Variants in KCNB2 observed in about 807,000 individuals in gnomAD.
The protein encoded by KCNB2 is potassium voltage-gated channel subfamily B member 2, also known as delayed rectifier potassium channel protein.
In KCNB2, 15 loss-of-function variants were observed where a neutral mutation model predicts 61.5. The observed-to-expected ratio is 0.24, with a 90% CI of 0.16 to 0.38. The LOEUF (loss-of-function observed/expected upper bound fraction) is 0.38, where lower values mean the gene tolerates loss of function less well. KCNB2 is among the 10% of genes least tolerant of loss of function. KCNB2 has a pLI of 1.00. For synonymous variants in KCNB2, 457 were observed against 446.0 expected (o/e 1.02, Z -0.31); for missense variants, 828 against 1,125.2 (o/e 0.74, Z 3.78).
At chr8:72,717,178 G>T (rs549848258) in intron 2 of KCNB2, among the ~76,000 whole-genome samples, 1 of 152,268 alleles carries the variant, frequency 6.6e-6, no homozygotes, top group African/African-American at 2.4e-5. Flanking sequence ...CAAACAAATG[G>T]AAGAACATTC....
chr8:72,706,486 G>C (rs573512878), intron 2 of KCNB2, among the ~76,000 whole-genome samples: 3 of 152,152 alleles, frequency 2.0e-5, no homozygotes, highest in African/African-American at 4.8e-5. Context: ...CAGGCATCAG[G>C]ATTGCTGTTT....
intron 2 of KCNB2, among the ~76,000 whole-genome samples, chr8:72,885,090 T>C (rs994547169): frequency 1.3e-5 from 2 of 152,174 alleles, no homozygotes; most frequent in Non-Finnish European, 2.9e-5. Flanking sequence ...TTTTGGTGTC[T>C]ATTGATATGA....
intron 2 of KCNB2, among the ~76,000 whole-genome samples, chr8:72,711,604 G>A (rs1304400096): frequency 6.6e-6 from 1 of 152,198 alleles, no homozygotes. Flanking sequence ...GAATAGCCAG[G>A]CAAAGACAAA....
At chr8:72,934,490 A>C (rs1457993225) in intron 2 of KCNB2, among the ~76,000 whole-genome samples, 1 of 152,114 alleles carries the variant, frequency 6.6e-6, no homozygotes, top group Non-Finnish European at 1.5e-5. Flanking sequence ...AGAGAGATTA[A>C]AAAGAAGAAA....
rs182903557 is a variant in KCNB2, at chr8:72,801,055, C to T, written c.580-134880C>T. Among the ~76,000 whole-genome samples the T allele has an allele frequency of 2.7e-3, 417 of 152,240 alleles. 2 individuals are homozygous for T. Among genetic ancestry groups the T allele is most frequent in the African/African-American group, 9.7e-3 (404 of 41,542 alleles). On this transcript the variant is annotated intron_variant, in intron 2 of 2. Transcript: ENST00000523207. ...AAAATGTGAGCAAGAAAAATTGACACTGAGATCTGAGTGTTTTTCTGCCCC... is the reference window on the plus strand; with the variant it reads ...AAAATGTGAGCAAGAAAAATTGACATTGAGATCTGAGTGTTTTTCTGCCCC...
chr8:72,911,559 T>G (rs1478407269), intron 2 of KCNB2, among the ~76,000 whole-genome samples: 1 of 152,206 alleles, frequency 6.6e-6, no homozygotes, highest in East Asian at 1.9e-4. Context: ...TAGAGCCAGG[T>G]CCCATTATGG....
chr8:72,564,551 C>T (rs1235529962), intron 1 of KCNB2, among the ~76,000 whole-genome samples: 1 of 152,224 alleles, frequency 6.6e-6, no homozygotes, highest in Non-Finnish European at 1.5e-5. Flanking sequence ...GGAGACTCCA[C>T]ATTCAGATTC....
At chr8:72,814,420 T>G (rs1187594099) in intron 2 of KCNB2, among the ~76,000 whole-genome samples, 1 of 152,204 alleles carries the variant, frequency 6.6e-6, no homozygotes, top group Non-Finnish European at 1.5e-5. Context: ...CGACCAGTTT[T>G]CCAAAGTGGT....
At chr8:72,860,447 T>A (rs919294425) in intron 2 of KCNB2, among the ~76,000 whole-genome samples, 1 of 152,248 alleles carries the variant, frequency 6.6e-6, no homozygotes, top group African/African-American at 2.4e-5. Context: ...GGGCATCTTT[T>A]AATGTGCTTA....
intron 2 of KCNB2, among the ~76,000 whole-genome samples, chr8:72,618,485 AAG>A (rs1342232846): frequency 6.6e-6 from 1 of 152,226 alleles, no homozygotes; most frequent in African/African-American, 2.4e-5. Context: ...ACACTAGTGA[AAG>A]AATTTTAGTT....
chr8:72,689,205 C>G (rs1806903464), intron 2 of KCNB2, among the ~76,000 whole-genome samples: 1 of 152,086 alleles, frequency 6.6e-6, no homozygotes, highest in Non-Finnish European at 1.5e-5. Flanking sequence ...GATTGACTAA[C>G]TGTTATGTGA....
chr8:72,543,110 T>C (rs1806212727), intron 1 of KCNB2, among the ~76,000 whole-genome samples: 1 of 152,198 alleles, frequency 6.6e-6, no homozygotes, highest in Admixed American at 6.5e-5. Flanking sequence ...ACCCCCTTTT[T>C]ATAAGCAGTA....
intron 2 of KCNB2, 35 bp downstream of exon 2, chr8:72,568,348 G>T: frequency 1.3e-6 from 2 of 1,541,960 alleles, no homozygotes; most frequent in Non-Finnish European, 1.8e-6. Flanking sequence ...CCTGTGTGTG[G>T]TCAGAAAAGA....
intron 2 of KCNB2, among the ~76,000 whole-genome samples, chr8:72,697,610 C>CT (rs1807038202): frequency 6.6e-6 from 1 of 152,028 alleles, no homozygotes; most frequent in Non-Finnish European, 1.5e-5. Context: ...TGAATAGCCA[C>CT]TGTGCTCCAG....
chr8:72,794,871 TA>T (rs1329049745), intron 2 of KCNB2, among the ~76,000 whole-genome samples: 1 of 152,172 alleles, frequency 6.6e-6, no homozygotes, highest in Non-Finnish European at 1.5e-5. Flanking sequence ...AGAAAGTATT[TA>T]AAGCAGAAAG....
At chr8:72,618,065 G>C (rs1340262047) in intron 2 of KCNB2, among the ~76,000 whole-genome samples, 1 of 152,078 alleles carries the variant, frequency 6.6e-6, no homozygotes, top group Non-Finnish European at 1.5e-5. Flanking sequence ...ACACACTGCT[G>C]TTTCTCCTGC....
intron 2 of KCNB2, among the ~76,000 whole-genome samples, chr8:72,622,318 A>G (rs1454794814): frequency 6.6e-6 from 1 of 151,754 alleles, no homozygotes; most frequent in Non-Finnish European, 1.5e-5. Flanking sequence ...TCTTCTCAAT[A>G]ACATCTACAC....
At chr8:72,562,742 T>C (rs1196117906) in intron 1 of KCNB2, among the ~76,000 whole-genome samples, 1 of 152,212 alleles carries the variant, frequency 6.6e-6, no homozygotes, top group Non-Finnish European at 1.5e-5. Context: ...ATTATACTTA[T>C]ATACAGAATT....
intron 2 of KCNB2, among the ~76,000 whole-genome samples, chr8:72,821,386 G>A (rs971058383): frequency 6.6e-6 from 1 of 152,114 alleles, no homozygotes; most frequent in Non-Finnish European, 1.5e-5. Flanking sequence ...GCAGCACTAA[G>A]CTCAGGTGTA....
Sources: gnomAD v4.1 joint callset for allele counts (sites outside exome capture counted in the v4.1 genomes callset) on GRCh38, gnomAD v4.1.1 for gene constraint, MANE v1.5 for transcripts, NCBI Gene and HGNC (gene_info 2026-07-23, HGNC 2026-07-21) for gene names.